The following CACNA2D4 variants were observed in gnomAD, a reference collection of about 807,000 sequenced individuals.
CACNA2D4 encodes the protein calcium voltage-gated channel auxiliary subunit alpha2delta 4.
A neutral mutation model predicts 163.8 loss-of-function variants in CACNA2D4; 157 were observed. That is an observed-to-expected ratio of 0.96 (90% confidence interval 0.84 to 1.09). The LOEUF is 1.09. Ranked by LOEUF, CACNA2D4 falls within the 50% of genes least tolerant of loss-of-function variation. CACNA2D4 has a pLI of 0.00. For missense variants in CACNA2D4, 1,410 were observed against 1,479.9 expected, an observed-to-expected ratio of 0.95 and a Z score of 0.78; for synonymous variants, 598 against 586.9, an observed-to-expected ratio of 1.02 and a Z score of -0.27.
intron 6 of CACNA2D4, among the ~76,000 whole-genome samples, chr12:1,896,184 T>G (rs1866395528): frequency 6.6e-6 from 1 of 152,086 alleles, no homozygotes; most frequent in Non-Finnish European, 1.5e-5. Context: ...TCTACAGAAA[T>G]TTTATGGATA....
In CACNA2D4 at chr12:1,795,279, C is replaced by T. The variant is rs1372345054; in HGVS notation, c.3309+20G>A. 9 of 1,610,760 alleles carry T rather than the reference C, an allele frequency of 5.6e-6. No homozygotes were observed. The African/African-American group carries it at 9.4e-5, about 17-fold the overall frequency. On this transcript the variant is annotated intron_variant, in intron 37 of 37. Coordinates refer to ENST00000382722, the MANE Select transcript of CACNA2D4 (RefSeq NM_172364.5). Reference sequence around the variant, plus strand: ...TGGGGATGAAAATCCAGCCCACCCTCGATCCGCCTCAACCCGCACCTCTGG... The same window carrying T: ...TGGGGATGAAAATCCAGCCCACCCTTGATCCGCCTCAACCCGCACCTCTGG...
At chr12:1,885,925 A>G in intron 9 of CACNA2D4, 40 bp downstream of exon 9, 1 of 1,451,552 alleles carries the variant, frequency 6.9e-7, no homozygotes, top group Non-Finnish European at 9.6e-7. Context: ...TCCAGACAAG[A>G]GCAGGGGCTT....
rs1011975904 is a variant in CACNA2D4 at position 1,884,399 on chromosome 12, T to G, written c.1273-78A>C. 1.0e-5 allele frequency: 12 copies of G among 1,193,600 alleles called. No homozygotes were observed. The East Asian group carries it at 2.5e-4, about 25-fold the overall frequency. 73.9% of individuals were successfully genotyped at this position (1,193,600 alleles called of 1,614,324 possible). ...ATGTTAACATTGTTTATATGAGTCT[T>G]AGATGTTGGCCCCAGTGCCTCTCAG... On this transcript the variant is annotated intron_variant, in intron 11 of 37. Transcript: ENST00000382722.
rs1468362844 is a variant in CACNA2D4, at chr12:1,864,347, T to G, written c.1879-4141A>C. 2.0e-5 allele frequency among the ~76,000 whole-genome samples: 3 copies of G among 152,344 alleles called. No individual in the cohort carries two copies. In the East Asian group the frequency reaches 5.8e-4, roughly 29 times the overall value. The stretch of plus-strand genomic sequence containing the variant: ...ACTACCACCGTCCCTTAGAGTTCTA[T>G]TTTGGTAAATACGAATGTTTAACCA... On this transcript the variant is annotated intron_variant, in intron 18 of 37. Coordinates refer to ENST00000382722, the MANE Select transcript of CACNA2D4 (RefSeq NM_172364.5).
In CACNA2D4 at chr12:1,874,543, C is replaced by A. The variant is rs1001150981; in HGVS notation, c.1878+61G>T. The A allele has an allele frequency of 1.6e-6, 2 of 1,221,278 alleles. No individual in the cohort carries two copies. The highest frequency in any genetic ancestry group is 3.4e-5 in the Admixed American group (2 of 58,474). The allele number at this position is 1,221,278 out of a possible 1,614,324, so 75.7% of individuals were successfully genotyped here. A position where few individuals can be genotyped will look rare whatever the true frequency, so the allele number is the denominator to read the frequency against. On this transcript the variant is annotated intron_variant, in intron 18 of 37. Transcript: ENST00000382722. The surrounding 1 kb of genome is among the most constrained non-coding windows in gnomAD (Gnocchi z 4.4). ...TAAGTCCAGGTCCCTCGTCACTACT[C>A]CAAACCCAATTAATGAAGATGCCTT... is the stretch of plus-strand genomic sequence containing the variant.
At chr12:1,907,363 G>A in intron 6 of CACNA2D4, 77 bp downstream of exon 6, 1 of 1,374,180 alleles carries the variant, frequency 7.3e-7, no homozygotes, top group South Asian at 1.3e-5. Flanking sequence ...CTGAGTGCCA[G>A]GGTCCATCTT....
intron 6 of CACNA2D4, among the ~76,000 whole-genome samples, chr12:1,888,478 A>G (rs1866203924): frequency 6.6e-6 from 1 of 152,234 alleles, no homozygotes; most frequent in African/African-American, 2.4e-5. Context: ...AGAGCTGGAT[A>G]TAGCTTCTCA....
At chr12:1,826,049 A>T (rs1273790278) in intron 26 of CACNA2D4, among the ~76,000 whole-genome samples, 1 of 152,164 alleles carries the variant, frequency 6.6e-6, no homozygotes, top group Non-Finnish European at 1.5e-5. Context: ...TAGACTCCAC[A>T]GGCCCGGGGT....
In CACNA2D4 at chr12:1,874,574, G is replaced by A; in HGVS notation, c.1878+30C>T. On this transcript the variant is annotated intron_variant, in intron 18 of 37. Coordinates refer to ENST00000382722, the MANE Select transcript of CACNA2D4 (RefSeq NM_172364.5). This position sits in a 1 kb window ranked among gnomAD's most constrained non-coding sequence, Gnocchi z 4.4. ...CCAATTAATGAAGATGCCTTCCTAG[G>A]CCATGCCCTGGCTGTTTCTAGCTCC... is the stretch of plus-strand genomic sequence containing the variant. 2 of 1,509,342 alleles carry A rather than the reference G, an allele frequency of 1.3e-6. No homozygotes were observed. Among genetic ancestry groups the A allele is most frequent in the South Asian group, 1.1e-5 (1 of 88,902 alleles). 93.5% of individuals were successfully genotyped at this position (1,509,342 alleles called of 1,614,324 possible).
intron 23 of CACNA2D4, among the ~76,000 whole-genome samples, chr12:1,850,861 G>C (rs1044883546): frequency 6.8e-6 from 1 of 147,950 alleles, no homozygotes; most frequent in African/African-American, 2.5e-5. Context: ...CAGCCTGGGC[G>C]ACAGAGCGAG....
At position 1,907,958 on chromosome 12, in the gene CACNA2D4, A is replaced by T. The variant is rs1349000302; in HGVS notation, c.566T>A (p.Leu189Gln). The T allele has an allele frequency of 6.2e-6, 10 of 1,614,040 alleles. No individual in the cohort carries two copies. The highest frequency in any genetic ancestry group is 7.6e-6 in the Non-Finnish European group (9 of 1,179,870). ...GTTGCTGAAGTGAGCATTGGACTCC[A>T]GGAGGAACTCGGCGCCCAGCTCCAC... The part of the protein sequence containing the change: ...NFVELGAEFL[L>Q]ESNAHFSNLP... The change falls in exon 5 of 38, where the codon CTG becomes CAG. Residue 189 changes from leucine to glutamine, a missense_variant. Transcript: ENST00000382722.
At chr12:1,813,652 C>T (rs1863783732) in intron 26 of CACNA2D4, among the ~76,000 whole-genome samples, 1 of 152,206 alleles carries the variant, frequency 6.6e-6, no homozygotes, top group South Asian at 2.1e-4. Context: ...CCTCCCCTCC[C>T]TTGGAGTCTC....
intron 26 of CACNA2D4, among the ~76,000 whole-genome samples, chr12:1,818,947 C>CT (rs997204111): frequency 3.3e-5 from 5 of 149,656 alleles, no homozygotes; most frequent in Non-Finnish European, 7.4e-5. Flanking sequence ...ATGACCCTGC[C>CT]AAATCCCCCT....
At chr12:1,845,520 G>A (rs1036293554) in intron 24 of CACNA2D4, among the ~76,000 whole-genome samples, 5 of 152,190 alleles carry the variant, frequency 3.3e-5, no homozygotes, top group Admixed American at 2.6e-4. Context: ...ATGGCGCTCC[G>A]TGGCTGGGCG....
At chr12:1,835,044 C>A (rs761076112) in intron 26 of CACNA2D4, 4 of 294,976 alleles carry the variant, frequency 1.4e-5, no homozygotes, top group Non-Finnish European at 2.5e-5. Context: ...TCCCCTGTCG[C>A]CCTTCCTGCC....
intron 26 of CACNA2D4, among the ~76,000 whole-genome samples, chr12:1,821,722 C>T (rs1281126051): frequency 6.6e-6 from 1 of 152,152 alleles, no homozygotes; most frequent in Non-Finnish European, 1.5e-5. Context: ...TCCCCCAGAC[C>T]CATTTGGACA....
chr12:1,822,874 C>T (rs1864163809), intron 26 of CACNA2D4, among the ~76,000 whole-genome samples: 2 of 152,154 alleles, frequency 1.3e-5, no homozygotes, highest in African/African-American at 4.8e-5. Flanking sequence ...GAATCTCGGG[C>T]CGTCTTTGGC....
At position 1,800,002 on chromosome 12, in the gene CACNA2D4, T is replaced by TC. The variant is rs749786700; in HGVS notation, c.2971dup (p.Glu991GlyfsTer59). The TC allele has an allele frequency of 6.2e-7, 1 of 1,603,540 alleles. No homozygotes were observed. The highest frequency in any genetic ancestry group is 8.5e-7 in the Non-Finnish European group (1 of 1,175,284). The stretch of plus-strand genomic sequence containing the variant: ...GCCCTGCAGCTCCGTGCACTCACCC[T>TC]CGGCCCCTCTGTCGTACCAGGAGCC... On this transcript the variant is annotated frameshift_variant, in exon 33 of 38. Coordinates refer to ENST00000382722, the MANE Select transcript of CACNA2D4 (RefSeq NM_172364.5). LOFTEE classifies it high-confidence loss of function.
intron 37 of CACNA2D4, among the ~76,000 whole-genome samples, chr12:1,794,267 T>C (rs886891612): frequency 3.9e-5 from 6 of 152,112 alleles, no homozygotes; most frequent in Non-Finnish European, 5.9e-5. Flanking sequence ...GCGTGGCTCT[T>C]CGTTAAAGCA....
Sources: gnomAD v4.1 joint callset for allele counts (sites outside exome capture counted in the v4.1 genomes callset) on GRCh38, gnomAD v4.1.1 for gene constraint, Gnocchi (gnomAD v3.1) non-coding constraint, MANE v1.5 for transcripts, NCBI Gene and HGNC (gene_info 2026-07-23, HGNC 2026-07-21) for gene names.